The following TSR1 variants were observed in gnomAD, a reference collection of about 807,000 sequenced individuals.
TSR1 encodes the protein TSR1 ribosome maturation factor, also known as pre-rRNA-processing protein TSR1 homolog.
TSR1 carries 81 observed loss-of-function variants against 90.9 expected under a neutral mutation model. The ratio of observed to expected loss-of-function variants is 0.89; its 90% confidence interval spans 0.74 to 1.07. TSR1 has a LOEUF of 1.07. Ranked by LOEUF, TSR1 falls within the 50% of genes least tolerant of loss-of-function variation. The pLI is 0.00. For missense variants in TSR1, 989 were observed against 987.3 expected (o/e 1.00, Z -0.02); for synonymous variants, 362 against 348.8 (o/e 1.04, Z -0.42).
At chr17:2,333,489 T>C in intron 6 of TSR1, 68 bp downstream of exon 6, 1 of 1,603,530 alleles carries the variant, frequency 6.2e-7, no homozygotes, top group East Asian at 2.2e-5. Context: ...GGGCCCTCAC[T>C]TGGAACAGCT....
At chr17:2,330,341 A>G (rs746661905) in intron 10 of TSR1, 174 bp downstream of exon 10, 4 of 746,644 alleles carry the variant, frequency 5.4e-6, no homozygotes, top group South Asian at 2.7e-5. Context: ...GGTTCAGACG[A>G]TATGAATAAA....
intron 12 of TSR1, 47 bp from the exon 13 acceptor site, chr17:2,324,876 G>A (rs761000717): frequency 6.3e-7 from 1 of 1,575,016 alleles, no homozygotes; most frequent in Non-Finnish European, 8.6e-7. Flanking sequence ...ACAGGCCAAA[G>A]TCTTCATTTA....
Position 2,332,500 on chromosome 17 carries a change from C to T in TSR1, c.1306-141G>A, listed in dbSNP as rs2064013268. The T allele has an allele frequency of 1.2e-5, 9 of 745,200 alleles. 1 individual carries two copies. Among genetic ancestry groups the T allele is most frequent in the African/African-American group, 1.8e-5 (1 of 54,666 alleles). 46.2% of individuals were successfully genotyped at this position (745,200 alleles called of 1,614,324 possible). On this transcript the variant is annotated intron_variant, in intron 7 of 14. Transcript: ENST00000301364. ...TTCTAATACAGTCTAAAGTATAAAA[C>T]AAAAGCCTCATTCCTGGCAACTACA...
chr17:2,325,420 G>A lies in TSR1; in HGVS notation c.1904C>T (p.Ala635Val), dbSNP rs753441737. 14 of 1,608,154 alleles carry A rather than the reference G, an allele frequency of 8.7e-6. No individual in the cohort carries two copies. The South Asian group carries it at 8.9e-5, about 10-fold the overall frequency. The change falls in exon 12 of 15, where the codon GCG (alanine) becomes GTG (valine). Residue 635 changes from alanine to valine, a missense_variant and splice_region_variant. By Grantham distance (64) the Ala-to-Val change is moderately conservative. Coordinates refer to ENST00000301364, the MANE Select transcript of TSR1 (RefSeq NM_018128.5). ...GAATCTCTGCAATTTATGTTTGTCC[G>A]CTGCCATAAGGGTTAAAAAATGAAA... is the stretch of plus-strand genomic sequence containing the variant. ...ASPLFSQHTA[A>V]DKHKLQRFLT...
In TSR1 at chr17:2,329,305, G is replaced by C. The variant is rs762627253; in HGVS notation, c.1903+38C>G. 3 of 1,612,208 alleles carry C rather than the reference G, an allele frequency of 1.9e-6. No individual in the cohort carries two copies. The South Asian group carries it at 3.3e-5, about 18-fold the overall frequency. On this transcript the variant is annotated intron_variant, in intron 11 of 14. Transcript: ENST00000301364. Reference sequence around the variant, plus strand: ...TCCACCACAAGTCACTTTCCCAAAAGACAAGATGGACAAGAACCCAGCTTC... The same window carrying C: ...TCCACCACAAGTCACTTTCCCAAAACACAAGATGGACAAGAACCCAGCTTC...
Position 2,332,176 on chromosome 17 carries a change from G to C in TSR1, c.1489C>G (p.Arg497Gly). Residue 497 changes from arginine (R) to glycine (G), a missense_variant, in exon 8 of 15, where the codon CGA becomes GGA. Arg to Gly is a moderately radical substitution (Grantham distance 125). Coordinates refer to ENST00000301364, the MANE Select transcript of TSR1 (RefSeq NM_018128.5). The stretch of plus-strand genomic sequence containing the variant: ...ATAGACTTGTTGACTAACCGAATTC[G>C]AGCAGCCACATCACGGGGCGTGTCC... ...EVDTPRDVAA[R>G]IRFQKYRGLK... 3 of 1,611,058 alleles carry C rather than the reference G, an allele frequency of 1.9e-6. No individual in the cohort carries two copies. Among genetic ancestry groups the C allele is most frequent in the Non-Finnish European group, 1.7e-6 (2 of 1,179,386 alleles).
chr17:2,323,112 A>G lies in TSR1; in HGVS notation c.*1084T>C. ...GGCAATGTTGTGGTTTGTTGTTAAG[A>G]TGTCTTAATATTCCTCTTCCCAGGC... is the stretch of plus-strand genomic sequence containing the variant. On this transcript the variant is annotated 3_prime_UTR_variant, in exon 15 of 15. Coordinates refer to ENST00000301364, the MANE Select transcript of TSR1 (RefSeq NM_018128.5). 5 of 1,611,792 alleles carry G rather than the reference A, an allele frequency of 3.1e-6. No homozygotes were observed. Among genetic ancestry groups the G allele is most frequent in the Non-Finnish European group, 4.2e-6 (5 of 1,177,908 alleles).
chr17:2,323,468 G>A lies in TSR1; in HGVS notation c.*728C>T, dbSNP rs1304557773. ...ACTAGGTAACTTCATGACATGGGAGGGTACCCTAGATGTATTAATGACAAC... is the reference window on the plus strand; with the variant it reads ...ACTAGGTAACTTCATGACATGGGAGAGTACCCTAGATGTATTAATGACAAC... On this transcript the variant is annotated 3_prime_UTR_variant, in exon 15 of 15. Coordinates refer to ENST00000301364, the MANE Select transcript of TSR1 (RefSeq NM_018128.5). The A allele has an allele frequency of 4.9e-6, 6 of 1,226,738 alleles. No homozygotes were observed. Among genetic ancestry groups the A allele is most frequent in the Admixed American group, 2.1e-5 (1 of 47,842 alleles). 76.0% of individuals were successfully genotyped at this position (1,226,738 alleles called of 1,614,324 possible).
intron 9 of TSR1, 44 bp from the exon 10 acceptor site, chr17:2,330,669 A>T (rs1283599058): frequency 6.3e-7 from 1 of 1,579,588 alleles, no homozygotes; most frequent in Admixed American, 1.7e-5. Flanking sequence ...TACCTTTCAA[A>T]GTCCCAATAG....
In TSR1 at chr17:2,330,501, A is replaced by G. The variant is rs1377239282; in HGVS notation, c.1770+14T>C. On this transcript the variant is annotated intron_variant, in intron 10 of 14. Transcript: ENST00000301364. ...TTTCACAACCCCCCATTTTCCCACA[A>G]GACAGCAATTTACCTTCTGTTCATG... 20 of 1,610,720 alleles carry G rather than the reference A, an allele frequency of 1.2e-5. No homozygotes were observed. The highest frequency in any genetic ancestry group is 1.7e-5 in the Non-Finnish European group (20 of 1,177,294).
In TSR1 at chr17:2,324,702, C is replaced by T. The variant is rs776312706; in HGVS notation, c.2148G>A (p.Met716Ile). ...CTTCATACCCACCTCTGTTGAAGAA[C>T]ATGTAACGTACTACTGCCATCTTAG... ...IFTKMAVVRYMFFNREDVLWF... is the reference protein window; with the variant it reads ...IFTKMAVVRYIFFNREDVLWF... Residue 716 changes from methionine (M) to isoleucine (I), a missense_variant, in exon 13 of 15, where the codon ATG (methionine) becomes ATA (isoleucine). Physicochemically the swap from Met to Ile is conservative, Grantham distance 10 (BLOSUM62 1). Transcript: ENST00000301364. 17 of 1,614,148 alleles carry T rather than the reference C, an allele frequency of 1.1e-5. No individual in the cohort carries two copies. Among genetic ancestry groups the T allele is most frequent in the East Asian group, 4.5e-5 (2 of 44,890 alleles).
chr17:2,334,644 C>A lies in TSR1; in HGVS notation c.809G>T (p.Gly270Val). Residue 270 changes from glycine (G) to valine (V), a missense_variant, in exon 5 of 15, where the codon GGC becomes GTC. Coordinates refer to ENST00000301364, the MANE Select transcript of TSR1 (RefSeq NM_018128.5). ...FVPSEENNLVGTLKISGYVRG... is the reference protein window; with the variant it reads ...FVPSEENNLVVTLKISGYVRG... ...AACATAGCCTGAAATTTTCAAGGTGCCCACCAAGTTATTCTCTTCACTAGG... is the reference window on the plus strand; with the variant it reads ...AACATAGCCTGAAATTTTCAAGGTGACCACCAAGTTATTCTCTTCACTAGG... 1 of 1,613,858 alleles carries A rather than the reference C, an allele frequency of 6.2e-7. No individual in the cohort carries two copies. Among genetic ancestry groups the A allele is most frequent in the Non-Finnish European group, 8.5e-7 (1 of 1,180,042 alleles).
Position 2,324,285 on chromosome 17 carries a change from T to G in TSR1, c.2326A>C (p.Lys776Gln). ...GGTACATATGGATCATAAGTCCATT[T>G]GGGGAAGACTCGTTTATACAGGTTC... Reference protein sequence around the residue: ...LMNLYKRVFPKWTYDPYVPEP... With the variant: ...LMNLYKRVFPQWTYDPYVPEP... Residue 776 changes from lysine (K) to glutamine (Q), a missense_variant, in exon 15 of 15, where the codon AAA (lysine) becomes CAA (glutamine). Physicochemically the swap from Lys to Gln is moderately conservative, Grantham distance 53. Coordinates refer to ENST00000301364, the MANE Select transcript of TSR1 (RefSeq NM_018128.5). 11 of 1,556,586 alleles carry G rather than the reference T, an allele frequency of 7.1e-6. No individual in the cohort carries two copies. The highest frequency in any genetic ancestry group is 9.5e-6 in the Non-Finnish European group (11 of 1,156,810).
chr17:2,322,853 C>T lies in TSR1; in HGVS notation c.*1343G>A, dbSNP rs1226465381. ...GATCTCAGCTCACTGCAACCTACCCCTCCCAAGTTCAAGTGATTCTCCTAC... is the reference window on the plus strand; with the variant it reads ...GATCTCAGCTCACTGCAACCTACCCTTCCCAAGTTCAAGTGATTCTCCTAC... On this transcript the variant is annotated 3_prime_UTR_variant, in exon 15 of 15. Coordinates refer to ENST00000301364, the MANE Select transcript of TSR1 (RefSeq NM_018128.5). 1 of 388,620 alleles carries T rather than the reference C, an allele frequency of 2.6e-6. No individual in the cohort carries two copies. Among genetic ancestry groups the T allele is most frequent in the Non-Finnish European group, 4.9e-6 (1 of 204,568 alleles). The allele number at this position is 388,620 out of a possible 1,614,324, so 24.1% of individuals were successfully genotyped here. A position where few individuals can be genotyped will look rare whatever the true frequency, so the allele number is the denominator to read the frequency against.
chr17:2,325,939 A>G (rs1481034159), intron 11 of TSR1, among the ~76,000 whole-genome samples: 1 of 151,228 alleles, frequency 6.6e-6, no homozygotes, highest in Non-Finnish European at 1.5e-5. Context: ...TTATTTATTT[A>G]TTTTGAGATG....
At position 2,323,890 on chromosome 17, in the gene TSR1, T is replaced by C; in HGVS notation, c.*306A>G. On this transcript the variant is annotated 3_prime_UTR_variant, in exon 15 of 15. Coordinates refer to ENST00000301364, the MANE Select transcript of TSR1 (RefSeq NM_018128.5). ...TCTGTTTAATTTACAGAAAAGGAAA[T>C]GGTGGGAATTCAGTGTCTTTAGATA... 5 of 1,607,996 alleles carry C rather than the reference T, an allele frequency of 3.1e-6. No homozygotes were observed. The highest frequency in any genetic ancestry group is 2.2e-5 in the South Asian group (2 of 90,778).
At chr17:2,325,503 G>A in intron 11 of TSR1, 83 bp from the exon 12 acceptor site, 4 of 1,088,444 alleles carry the variant, frequency 3.7e-6, no homozygotes, top group South Asian at 1.5e-5. Context: ...CTGTATTAGT[G>A]CAACTCTTAA....
intron 11 of TSR1, among the ~76,000 whole-genome samples, chr17:2,328,694 C>A (rs1395146087): frequency 1.9e-4 from 29 of 151,008 alleles, no homozygotes; most frequent in Non-Finnish European, 2.7e-4. Flanking sequence ...AGGCGGGCGG[C>A]TCACGAGGTC....
chr17:2,334,880 C>T lies in TSR1; in HGVS notation c.573G>A (p.Gly191=). 1.2e-6 allele frequency: 2 copies of T among 1,611,828 alleles called. No individual in the cohort carries two copies. Among genetic ancestry groups the T allele is most frequent in the African/African-American group, 1.3e-5 (1 of 75,020 alleles). The change falls in exon 5 of 15, where the codon GGG becomes GGA. Residue 191 remains glycine, a synonymous_variant. Transcript: ENST00000301364. ...GLPTYTLAVQ[G]ISGLPLKKQI... ...GTTTCTTCAGTGGGAGGCCAGAAAT[C>T]CCCTGGACAGCTAGTGCTGTAAGCG...
Sources: gnomAD v4.1 joint callset for allele counts (sites outside exome capture counted in the v4.1 genomes callset) on GRCh38, gnomAD v4.1.1 for gene constraint, MANE v1.5 for transcripts, NCBI Gene and HGNC (gene_info 2026-07-23, HGNC 2026-07-21) for gene names.